TYW1: variants seen among roughly 807,000 people sequenced by gnomAD.
TYW1 encodes S-adenosyl-L-methionine-dependent tRNA 4-demethylwyosine synthase TYW1.
Under a neutral mutation model 96.2 loss-of-function variants are expected in TYW1, and 46 were observed. That is an observed-to-expected ratio of 0.48 (90% CI 0.38 to 0.61). The LOEUF (loss-of-function observed/expected upper bound fraction) is 0.61. TYW1 is among the 20% of genes least tolerant of loss of function. The pLI, the probability that TYW1 is intolerant of heterozygous loss-of-function variation, is 0.00. For missense variants in TYW1, 684 were observed against 909.6 expected (o/e 0.75, Z 3.19); for synonymous variants, 274 against 323.0 (o/e 0.85, Z 1.63).
At chr7:67,096,806 T>C (rs1474986353) in intron 11 of TYW1, among the ~76,000 whole-genome samples, 1 of 152,158 alleles carries the variant, frequency 6.6e-6, no homozygotes. Context: ...AGGATACATA[T>C]TTTTGCCTAT....
At chr7:67,196,193 A>G (rs1800387047) in intron 15 of TYW1, among the ~76,000 whole-genome samples, 1 of 151,612 alleles carries the variant, frequency 6.6e-6, no homozygotes, top group Non-Finnish European at 1.5e-5. Flanking sequence ...AAATTCAACC[A>G]TTAATTTCTT....
At chr7:67,081,882 G>T (rs978640732) in intron 10 of TYW1, among the ~76,000 whole-genome samples, 6 of 140,954 alleles carry the variant, frequency 4.3e-5, no homozygotes, top group Middle Eastern at 3.2e-3. Flanking sequence ...GACATTGTTT[G>T]TTCTCCTTGA....
intron 14 of TYW1, among the ~76,000 whole-genome samples, chr7:67,193,048 G>T (rs1427689954): frequency 1.3e-5 from 2 of 152,194 alleles, no homozygotes; most frequent in Admixed American, 1.3e-4. Context: ...TTTCTATTCA[G>T]ACTCCATTGG....
At chr7:67,193,759 C>CAAAA (rs35069275) in intron 14 of TYW1, among the ~76,000 whole-genome samples, 4 of 116,170 alleles carry the variant, frequency 3.4e-5, no homozygotes, top group African/African-American at 9.8e-5. Flanking sequence ...GACTCTGTCT[C>CAAAA]AAAAAAAAAA....
chr7:67,219,106 C>T (rs1011156690), intron 15 of TYW1, among the ~76,000 whole-genome samples: 1 of 152,108 alleles, frequency 6.6e-6, no homozygotes, highest in Admixed American at 6.5e-5. Context: ...GTGTTTTTAT[C>T]ATGAAAAACG....
chr7:67,067,335 T>C lies in TYW1; in HGVS notation c.1206T>C (p.Ile402=). The C allele has an allele frequency of 6.2e-7, 1 of 1,613,958 alleles. No individual in the cohort carries two copies. Among genetic ancestry groups the C allele is most frequent in the Non-Finnish European group, 8.5e-7 (1 of 1,179,846 alleles). ...GTTACAAACACACATTCTATGGAAT[T>C]GAGAGCCATCGCTGCATGGAAACCA... ...GGCYKHTFYG[I]ESHRCMETTP... is the part of the protein sequence containing the mutation. Residue 402 remains isoleucine, a synonymous_variant, in exon 10 of 16, where the codon ATT becomes ATC. Transcript: ENST00000359626.
chr7:67,150,389 G>T (rs1001551302), intron 13 of TYW1, among the ~76,000 whole-genome samples: 3 of 152,110 alleles, frequency 2.0e-5, no homozygotes, highest in Admixed American at 2.0e-4. Flanking sequence ...ACTACCACCT[G>T]CCCATCTCTT....
At chr7:67,169,596 T>G (rs1934971265) in intron 13 of TYW1, among the ~76,000 whole-genome samples, 1 of 152,196 alleles carries the variant, frequency 6.6e-6, no homozygotes, top group Non-Finnish European at 1.5e-5. Flanking sequence ...AGATGGAGTT[T>G]CACCATATTG....
At chr7:67,231,382 C>T (rs1801744827) in intron 15 of TYW1, among the ~76,000 whole-genome samples, 1 of 152,126 alleles carries the variant, frequency 6.6e-6, no homozygotes, top group Admixed American at 6.6e-5. Context: ...CTGGGATCAC[C>T]AGCTCTGTCT....
intron 10 of TYW1, among the ~76,000 whole-genome samples, chr7:67,075,593 T>C (rs1796177684): frequency 6.6e-6 from 1 of 152,178 alleles, no homozygotes; most frequent in South Asian, 2.1e-4. Flanking sequence ...ATGTTGAAAA[T>C]ATTATACTAA....
intron 15 of TYW1, among the ~76,000 whole-genome samples, chr7:67,208,963 GATTT>G (rs1279718479): frequency 6.6e-6 from 1 of 152,120 alleles, no homozygotes; most frequent in Non-Finnish European, 1.5e-5. Flanking sequence ...GAAAATGGAT[GATTT>G]ATTTAAATAT....
chr7:67,166,323 A>AT (rs1449750874), intron 13 of TYW1, among the ~76,000 whole-genome samples: 5 of 125,694 alleles, frequency 4.0e-5, no homozygotes, highest in Non-Finnish European at 7.0e-5. Context: ...TATAATATAT[A>AT]ACATATATAA....
chr7:67,046,580 A>G (rs1795194017), intron 7 of TYW1, among the ~76,000 whole-genome samples: 1 of 152,206 alleles, frequency 6.6e-6, no homozygotes, highest in African/African-American at 2.4e-5. Flanking sequence ...ACAAAAATAT[A>G]TGGATCTTAC....
chr7:67,019,265 A>C (rs947816067), intron 6 of TYW1, among the ~76,000 whole-genome samples: 13 of 152,304 alleles, frequency 8.5e-5, no homozygotes, highest in African/African-American at 2.4e-4. Flanking sequence ...TGACTGTTTC[A>C]TACTCATTTC....
chr7:67,053,348 C>T (rs1250280990), intron 8 of TYW1, among the ~76,000 whole-genome samples: 3 of 151,232 alleles, frequency 2.0e-5, no homozygotes, highest in African/African-American at 7.3e-5. Context: ...TTCCCTTCCT[C>T]TCTCCCTCTT....
At chr7:67,198,971 G>A (rs556981372) in intron 15 of TYW1, among the ~76,000 whole-genome samples, 30 of 152,146 alleles carry the variant, frequency 2.0e-4, no homozygotes, top group African/African-American at 7.2e-4. Context: ...CGAGGCAGGT[G>A]GATCCCTTGA....
At chr7:67,154,394 G>C (rs1798900034) in intron 13 of TYW1, among the ~76,000 whole-genome samples, 1 of 152,064 alleles carries the variant, frequency 6.6e-6, no homozygotes, top group South Asian at 2.1e-4. Context: ...TCAGTCTAGT[G>C]GTGAGGAATT....
chr7:67,016,866 C>A (rs1794041757), intron 5 of TYW1, among the ~76,000 whole-genome samples: 1 of 151,604 alleles, frequency 6.6e-6, no homozygotes, highest in Admixed American at 6.6e-5. Flanking sequence ...CTTGAGCATT[C>A]TTCTCACCCC....
At position 67,238,975 on chromosome 7, in the gene TYW1, C is replaced by G. The variant is rs1686459087; in HGVS notation, c.*446C>G. Reference sequence around the variant, plus strand: ...CTACCCTGAGCTAAACGTGTCTGTGCTTTCTAAGATAAGAGCTTGATCCCT... The same window carrying G: ...CTACCCTGAGCTAAACGTGTCTGTGGTTTCTAAGATAAGAGCTTGATCCCT... On this transcript the variant is annotated 3_prime_UTR_variant, in exon 16 of 16. Coordinates refer to ENST00000359626, the MANE Select transcript of TYW1 (RefSeq NM_018264.4). The G allele has an allele frequency of 1.0e-6, 1 of 995,632 alleles. No homozygotes were observed. Among genetic ancestry groups the G allele is most frequent in the African/African-American group, 1.7e-5 (1 of 57,480 alleles). 61.7% of individuals were successfully genotyped at this position (995,632 alleles called of 1,614,324 possible).
Sources: gnomAD v4.1 joint callset for allele counts (sites outside exome capture counted in the v4.1 genomes callset) on GRCh38, gnomAD v4.1.1 for gene constraint, MANE v1.5 for transcripts, NCBI Gene and HGNC (gene_info 2026-07-23, HGNC 2026-07-21) for gene names.